CASR: variants seen among roughly 807,000 people sequenced by gnomAD.
The protein encoded by CASR is calcium sensing receptor.
Under a neutral mutation model 69.1 loss-of-function variants are expected in CASR, and 23 were observed. The ratio of observed to expected loss-of-function variants is 0.33; its 90% CI spans 0.24 to 0.47. The LOEUF is 0.47. Among genes scored for constraint, CASR ranks in the 20% least tolerant of loss-of-function variants. The pLI is 1.00. For missense variants in CASR, 924 were observed against 1,356.1 expected (o/e 0.68, Z 5.00); for synonymous variants, 541 against 544.7 (o/e 0.99, Z 0.10).
chr3:122,253,973 G>C lies in CASR; in HGVS notation c.-217G>C. 1 of 601,228 alleles carries C rather than the reference G, an allele frequency of 1.7e-6. No homozygotes were observed. The allele number at this position is 601,228 out of a possible 1,614,324, so 37.2% of individuals were successfully genotyped here. On this transcript the variant is annotated 5_prime_UTR_variant, in exon 2 of 7. The change abolishes an upstream ATG in the 5' untranslated region. Transcript: ENST00000639785. ...AAGGCATCACAGGAGGCCTCTGCAT[G>C]ATGTGGCTTCCAAAGACTCAAGGAC...
chr3:122,281,200 T>G (rs886464923), intron 5 of CASR, among the ~76,000 whole-genome samples: 1 of 152,242 alleles, frequency 6.6e-6, no homozygotes, highest in Non-Finnish European at 1.5e-5. Context: ...GTTTTGTTTT[T>G]AACAAAAACT....
intron 4 of CASR, among the ~76,000 whole-genome samples, chr3:122,273,559 A>T (rs1021961655): frequency 2.6e-5 from 4 of 152,156 alleles, no homozygotes; most frequent in African/African-American, 9.7e-5. Flanking sequence ...AAACTCTATG[A>T]TTAGGATGAA....
chr3:122,212,043 C>T (rs1260103930), intron 1 of CASR, among the ~76,000 whole-genome samples: 1 of 152,188 alleles, frequency 6.6e-6, no homozygotes. Flanking sequence ...TTTGACCCAG[C>T]AATCCCATTA....
rs191253269 is a variant in CASR at position 122,277,294 on chromosome 3, T to G, written c.1608+1252T>G. ...ACTCCTGACCTCAGGTGATCCACCC[T>G]CCTCAGCCTCCCAGAGTGCTCAGAT... On this transcript the variant is annotated intron_variant, in intron 5 of 6. Transcript: ENST00000639785. Among the ~76,000 whole-genome samples, 614 of 152,110 alleles carry G rather than the reference T, an allele frequency of 4.0e-3. 9 individuals carry two copies. Among genetic ancestry groups the G allele is most frequent in the African/African-American group, 0.014 (577 of 41,480 alleles).
chr3:122,184,222 G>T (rs2073750780), intron 1 of CASR: 1 of 152,628 alleles, frequency 6.6e-6, no homozygotes, highest in Non-Finnish European at 1.5e-5. Context: ...GCTACGAGGG[G>T]AGCTGGGCTC....
intron 1 of CASR, among the ~76,000 whole-genome samples, chr3:122,220,736 G>A (rs9861777): frequency 0.021 from 3,189 of 152,272 alleles, 113 homozygotes; most frequent in African/African-American, 0.073. Context: ...CACTTTGCGA[G>A]GCCGAGGTGG....
At chr3:122,271,141 C>T (rs1576866345) in intron 4 of CASR, among the ~76,000 whole-genome samples, 1 of 152,302 alleles carries the variant, frequency 6.6e-6, no homozygotes, top group African/African-American at 2.4e-5. Flanking sequence ...AAAACCTCAT[C>T]ATGGGCATGA....
rs1559955362 is a variant in CASR, at chr3:122,254,290, T to C, written c.101T>C (p.Leu34Pro). The change falls in exon 2 of 7, where the codon CTT becomes CCT. Residue 34 changes from leucine (L) to proline (P), a missense_variant. This residue lies in a region of CASR where 141 missense variants were observed against 283.0 expected (regional missense o/e 0.50). Coordinates refer to ENST00000639785, the MANE Select transcript of CASR (RefSeq NM_000388.4). ...QRAQKKGDII[L>P]GGLFPIHFGV... is the part of the protein sequence containing the mutation. ...GCCCAAAAGAAGGGGGACATTATCC[T>C]TGGGGGGCTCTTTCCTATTCATTTT... 6.2e-7 allele frequency: 1 copy of C among 1,614,172 alleles called. No homozygotes were observed. The highest frequency in any genetic ancestry group is 8.5e-7 in the Non-Finnish European group (1 of 1,180,038).
intron 1 of CASR, among the ~76,000 whole-genome samples, chr3:122,195,518 G>A (rs2073881226): frequency 6.6e-6 from 1 of 152,084 alleles, no homozygotes; most frequent in African/African-American, 2.4e-5. Context: ...GCTATTCTTG[G>A]TAGTTTTCAT....
At chr3:122,191,869 A>G (rs1183999855) in intron 1 of CASR, among the ~76,000 whole-genome samples, 1 of 152,240 alleles carries the variant, frequency 6.6e-6, no homozygotes, top group Non-Finnish European at 1.5e-5. Flanking sequence ...ACATTTTTAC[A>G]ATGATATACC....
Position 122,284,389 on chromosome 3 carries a change from T to A in CASR, c.2435T>A (p.Leu812His). The change falls in exon 7 of 7, where the codon CTC becomes CAC. Residue 812 changes from leucine (L) to histidine (H), a missense_variant. Leu to His is a moderately conservative substitution (Grantham distance 99, BLOSUM62 -3). Coordinates refer to ENST00000639785, the MANE Select transcript of CASR (RefSeq NM_000388.4). ...NEAKFITFSM[L>H]IFFIVWISFI... ...GCCAAGTTCATCACCTTCAGCATGCTCATCTTCTTCATCGTCTGGATCTCC... is the reference window on the plus strand; with the variant it reads ...GCCAAGTTCATCACCTTCAGCATGCACATCTTCTTCATCGTCTGGATCTCC... 1.9e-6 allele frequency: 3 copies of A among 1,614,072 alleles called. No individual in the cohort carries two copies. The highest frequency in any genetic ancestry group is 8.5e-7 in the Non-Finnish European group (1 of 1,180,034).
intron 1 of CASR, among the ~76,000 whole-genome samples, chr3:122,249,316 C>G (rs1311181482): frequency 1.3e-5 from 2 of 152,214 alleles, no homozygotes; most frequent in Non-Finnish European, 2.9e-5. Flanking sequence ...CTCTTTATAA[C>G]ATTTAGATCA....
At chr3:122,230,203 T>C (rs1429077044) in intron 1 of CASR, among the ~76,000 whole-genome samples, 1 of 152,242 alleles carries the variant, frequency 6.6e-6, no homozygotes, top group African/African-American at 2.4e-5. Flanking sequence ...AAGCTCAGCC[T>C]AGGCTTGCCG....
chr3:122,252,437 G>GAAAGAAAGAAAGAAAGAAAA (rs1559954368), intron 1 of CASR, among the ~76,000 whole-genome samples: 1 of 81,062 alleles, frequency 1.2e-5, no homozygotes, highest in South Asian at 4.1e-4. Flanking sequence ...AAGAAAGAAA[G>GAAAGAAAGAAAGAAAGAAAA]AAAGAAAGAA....
At position 122,254,263 on chromosome 3, in the gene CASR, G is replaced by A. The variant is rs568902441; in HGVS notation, c.74G>A (p.Arg25Gln). Residue 25 changes from arginine to glutamine, a missense_variant, in exon 2 of 7, where the codon CGA becomes CAA. Physicochemically the swap from Arg to Gln is conservative, Grantham distance 43. Around this residue, in one of 8 missense-constraint regions of CASR, gnomAD observed 141 missense variants for 283.0 expected, o/e 0.50. Coordinates refer to ENST00000639785, the MANE Select transcript of CASR (RefSeq NM_000388.4). Reference sequence around the variant, plus strand: ...ACCTCTGCCTACGGGCCAGACCAGCGAGCCCAAAAGAAGGGGGACATTATC... The same window carrying A: ...ACCTCTGCCTACGGGCCAGACCAGCAAGCCCAAAAGAAGGGGGACATTATC... ...WHTSAYGPDQRAQKKGDIILG... is the reference protein window; with the variant it reads ...WHTSAYGPDQQAQKKGDIILG... 7 of 1,614,018 alleles carry A rather than the reference G, an allele frequency of 4.3e-6. No homozygotes were observed. In the South Asian group the frequency reaches 4.4e-5, roughly 10 times the overall value.
rs1183686910 is a variant in CASR, at chr3:122,282,145, G to A, written c.1641G>A (p.Leu547=). Residue 547 remains leucine, a synonymous_variant, in exon 6 of 7, where the codon CTG becomes CTA. Coordinates refer to ENST00000639785, the MANE Select transcript of CASR (RefSeq NM_000388.4). ...VPFSNCSRDC[L]AGTRKGIIEG... Reference sequence around the variant, plus strand: ...TCTCCAACTGCAGCCGAGACTGCCTGGCAGGGACCAGGAAAGGGATCATTG... The same window carrying A: ...TCTCCAACTGCAGCCGAGACTGCCTAGCAGGGACCAGGAAAGGGATCATTG... The A allele has an allele frequency of 1.9e-6, 3 of 1,614,088 alleles. No individual in the cohort carries two copies. In the African/African-American group the frequency reaches 4.0e-5, roughly 22 times the overall value.
At chr3:122,200,903 C>T (rs1254967194) in intron 1 of CASR, among the ~76,000 whole-genome samples, 2 of 151,466 alleles carry the variant, frequency 1.3e-5, no homozygotes, top group Non-Finnish European at 2.9e-5. Flanking sequence ...GGTTTCAATT[C>T]GATTACCAAT....
intron 1 of CASR, among the ~76,000 whole-genome samples, chr3:122,218,687 A>G (rs1227829273): frequency 1.3e-5 from 2 of 152,192 alleles, no homozygotes. Flanking sequence ...ATGCTCTGCT[A>G]GGTACTGAGG....
intron 3 of CASR, among the ~76,000 whole-genome samples, 159 bp from the exon 4 acceptor site, chr3:122,261,369 T>C (rs1331902629): frequency 6.6e-6 from 1 of 152,218 alleles, no homozygotes. Context: ...GATGCTGCTT[T>C]TCCTTACCCT....
Sources: allele counts gnomAD v4.1 joint callset (sites outside exome capture counted in the v4.1 genomes callset), GRCh38; gene constraint gnomAD v4.1.1; regional missense constraint gnomAD v4.1.1; transcripts MANE v1.5; gene names NCBI Gene and HGNC (gene_info 2026-07-23, HGNC 2026-07-21).